The following CCDC178 variants were observed in gnomAD, a reference collection of about 807,000 sequenced individuals.
The protein encoded by CCDC178 is coiled-coil domain containing 178.
A neutral mutation model predicts 117.4 loss-of-function variants in CCDC178; 126 were observed. The observed-to-expected ratio is 1.07, with a 90% confidence interval of 0.93 to 1.24. CCDC178 has a LOEUF of 1.24. Ranked by LOEUF, CCDC178 falls within the 50% of genes most tolerant of loss-of-function variation. The pLI, the probability that CCDC178 is intolerant of heterozygous loss-of-function variation, is 0.00. For synonymous variants in CCDC178, 283 were observed against 313.4 expected, an observed-to-expected ratio of 0.90 and a Z score of 1.02; for missense variants, 1,030 against 986.9, an observed-to-expected ratio of 1.04 and a Z score of -0.59.
At chr18:33,337,370 C>T (rs1374857902) in intron 9 of CCDC178, among the ~76,000 whole-genome samples, 1 of 152,040 alleles carries the variant, frequency 6.6e-6, no homozygotes, top group Non-Finnish European at 1.5e-5. Flanking sequence ...AGTTTGACTT[C>T]CTCTTTACCC....
chr18:33,399,645 T>G (rs1359819603), intron 3 of CCDC178, among the ~76,000 whole-genome samples: 1 of 152,194 alleles, frequency 6.6e-6, no homozygotes, highest in African/African-American at 2.4e-5. Context: ...ATCATGAGAT[T>G]GCAGCAATTC....
intron 15 of CCDC178, among the ~76,000 whole-genome samples, chr18:33,232,225 A>G (rs2059375841): frequency 6.6e-6 from 1 of 152,086 alleles, no homozygotes; most frequent in South Asian, 2.1e-4. Flanking sequence ...AGGTGGCAGC[A>G]GAGAGCTACA....
rs115280730 is a variant in CCDC178 at position 32,987,597 on chromosome 18, G to A, written c.2389-12916C>T. 9.3e-3 allele frequency among the ~76,000 whole-genome samples: 1,419 copies of A among 151,960 alleles called. 23 individuals are homozygous for A. Among genetic ancestry groups the A allele is most frequent in the African/African-American group, 0.033 (1,356 of 41,460 alleles). ...AATTACACCATCTTCTTAAGCATAC[G>A]GAAACATTAAAACTTGTAACTTATA... On this transcript the variant is annotated intron_variant, in intron 21 of 22. Transcript: ENST00000383096.
chr18:33,316,888 C>T (rs1461882452), intron 11 of CCDC178, among the ~76,000 whole-genome samples: 7 of 152,012 alleles, frequency 4.6e-5, no homozygotes, highest in East Asian at 1.9e-4. Flanking sequence ...CCAATCGACA[C>T]TCTGTATCTA....
Position 33,323,493 on chromosome 18 carries a change from G to T in CCDC178, c.1020C>A (p.Tyr340Ter). The T allele has an allele frequency of 6.7e-7, 1 of 1,495,556 alleles. No individual in the cohort carries two copies. Among genetic ancestry groups the T allele is most frequent in the Non-Finnish European group, 8.9e-7 (1 of 1,124,782 alleles). 92.6% of individuals were successfully genotyped at this position (1,495,556 alleles called of 1,614,324 possible). The change falls in exon 11 of 23, where the codon TAC becomes TAA. Residue 340 changes from tyrosine (Y) to a stop codon, truncating the protein, a stop_gained and splice_region_variant. Transcript: ENST00000383096. LOFTEE classifies it high-confidence loss of function. ...IYQDEKTIEA[Y>*]KREIYQLNSL... Reference sequence around the variant, plus strand: ...TAGTGTTTGCGAAAAATTCTTACTTGTAGGCCTCTATGGTTTTTTCATCCT... The same window carrying T: ...TAGTGTTTGCGAAAAATTCTTACTTTTAGGCCTCTATGGTTTTTTCATCCT...
intron 7 of CCDC178, among the ~76,000 whole-genome samples, chr18:33,352,314 T>G (rs1421542523): frequency 6.6e-6 from 1 of 152,110 alleles, no homozygotes; most frequent in African/African-American, 2.4e-5. Flanking sequence ...GAGTCTTCTT[T>G]TTATTTTTGG....
chr18:33,430,382 T>C (rs1280650637), intron 2 of CCDC178, among the ~76,000 whole-genome samples: 10 of 152,254 alleles, frequency 6.6e-5, no homozygotes, highest in Non-Finnish European at 1.5e-4. Context: ...AATAACAATA[T>C]GTGTTCATTG....
intron 20 of CCDC178, among the ~76,000 whole-genome samples, chr18:33,130,132 A>G (rs2058053388): frequency 6.6e-6 from 1 of 151,980 alleles, no homozygotes; most frequent in South Asian, 2.1e-4. Context: ...AGTTGTAGAC[A>G]TAAGTGTAAA....
At chr18:32,990,929 G>A (rs1278504627) in intron 21 of CCDC178, among the ~76,000 whole-genome samples, 1 of 151,136 alleles carries the variant, frequency 6.6e-6, no homozygotes, top group Non-Finnish European at 1.5e-5. Context: ...CAAGTAATTA[G>A]GAAAATGAAA....
In CCDC178 at chr18:33,223,146, T is replaced by C. The variant is rs1271159309; in HGVS notation, c.1892A>G (p.Lys631Arg). 1 of 1,607,124 alleles carries C rather than the reference T, an allele frequency of 6.2e-7. No individual in the cohort carries two copies. The highest frequency in any genetic ancestry group is 1.3e-5 in the African/African-American group (1 of 74,688). ...KVGKVKKKLR[K>R]KGKKTLDALI... The stretch of plus-strand genomic sequence containing the variant: ...TGCATCAAGGGTTTTCTTCCCCTTT[T>C]TTCGTAATTTTTTCTTTACTTTTCC... Residue 631 changes from lysine (K) to arginine (R), a missense_variant, in exon 18 of 23, where the codon AAA (lysine) becomes AGA (arginine). Physicochemically the swap from Lys to Arg is conservative, Grantham distance 26 (BLOSUM62 2). Transcript: ENST00000383096.
At chr18:32,939,137 T>C (rs1376859132) in intron 22 of CCDC178, among the ~76,000 whole-genome samples, 3 of 152,108 alleles carry the variant, frequency 2.0e-5, no homozygotes, top group African/African-American at 7.2e-5. Context: ...TGAACATATT[T>C]TGTAGAGATA....
intron 19 of CCDC178, 91 bp from the exon 20 acceptor site, chr18:33,212,146 A>G: frequency 9.9e-7 from 1 of 1,012,840 alleles, no homozygotes; most frequent in Admixed American, 3.3e-5. Flanking sequence ...ACCAAAATGA[A>G]AAATCTTGAA....
At chr18:33,002,719 T>C (rs1218713373) in intron 21 of CCDC178, among the ~76,000 whole-genome samples, 1 of 149,756 alleles carries the variant, frequency 6.7e-6, no homozygotes, top group East Asian at 2.0e-4. Flanking sequence ...ATCAAACATA[T>C]AGAAGGTCAG....
At chr18:33,164,231 C>T (rs1438766389) in intron 20 of CCDC178, among the ~76,000 whole-genome samples, 1 of 151,480 alleles carries the variant, frequency 6.6e-6, no homozygotes, top group Non-Finnish European at 1.5e-5. Flanking sequence ...CCTCAGCCAG[C>T]TGGGATTACA....
chr18:33,039,284 T>A (rs190633185), intron 21 of CCDC178, among the ~76,000 whole-genome samples: 1 of 152,128 alleles, frequency 6.6e-6, no homozygotes, highest in East Asian at 1.9e-4. Context: ...GAAGAAATGA[T>A]GAGAGGACAA....
intron 12 of CCDC178, among the ~76,000 whole-genome samples, chr18:33,278,094 A>G (rs1208365439): frequency 6.6e-6 from 1 of 152,012 alleles, no homozygotes; most frequent in African/African-American, 2.4e-5. Flanking sequence ...TCTAATGTCC[A>G]AAATCTCATA....
At chr18:32,959,075 C>A (rs2054652301) in intron 22 of CCDC178, among the ~76,000 whole-genome samples, 1 of 152,110 alleles carries the variant, frequency 6.6e-6, no homozygotes. Flanking sequence ...ATTGATGAAA[C>A]TGAAACCTGT....
Position 33,301,626 on chromosome 18 carries a change from T to A in CCDC178, c.1023-8314A>T, listed in dbSNP as rs1326717081. 3.3e-5 allele frequency among the ~76,000 whole-genome samples: 5 copies of A among 152,306 alleles called. No individual in the cohort carries two copies. In the East Asian group the frequency reaches 9.7e-4, roughly 29 times the overall value. ...TCCAGTGTGTGCTCGATGTGGGACATGGAGTAAAAGGAGATTATTTCAGAG... is the reference window on the plus strand; with the variant it reads ...TCCAGTGTGTGCTCGATGTGGGACAAGGAGTAAAAGGAGATTATTTCAGAG... On this transcript the variant is annotated intron_variant, in intron 11 of 22. Transcript: ENST00000383096.
chr18:33,083,633 T>C (rs2057332550), intron 21 of CCDC178, among the ~76,000 whole-genome samples: 1 of 152,220 alleles, frequency 6.6e-6, no homozygotes, highest in Non-Finnish European at 1.5e-5. Flanking sequence ...AGACAAGACA[T>C]ACCAGGCAAT....
Sources: allele counts gnomAD v4.1 joint callset (sites outside exome capture counted in the v4.1 genomes callset), GRCh38; gene constraint gnomAD v4.1.1; transcripts MANE v1.5; gene names NCBI Gene and HGNC (gene_info 2026-07-23, HGNC 2026-07-21).